The following CREBBP variants were observed in gnomAD, a reference collection of about 807,000 sequenced individuals.
CREBBP encodes CREB binding lysine acetyltransferase, also known as CREB-binding protein.
In CREBBP, 19 loss-of-function variants were observed where a neutral mutation model predicts 265.0. That is an observed-to-expected ratio of 0.07 (90% CI 0.05 to 0.11). The LOEUF is 0.11. Among genes scored for constraint, CREBBP ranks in the 10% least tolerant of loss-of-function variants. The pLI is 1.00. For missense variants in CREBBP, 2,525 were observed against 3,219.0 expected (o/e 0.78, Z 5.22); for synonymous variants, 1,457 against 1,223.7 (o/e 1.19, Z -3.98).
chr16:3,845,838 G>C (rs991886684), intron 2 of CREBBP, among the ~76,000 whole-genome samples: 2 of 144,062 alleles, frequency 1.4e-5, no homozygotes, highest in African/African-American at 5.3e-5. Flanking sequence ...AGTGAGCTGA[G>C]ATCATGCTAC....
intron 1 of CREBBP, among the ~76,000 whole-genome samples, chr16:3,858,460 T>C (rs1055953590): frequency 6.6e-6 from 1 of 152,176 alleles, no homozygotes; most frequent in Non-Finnish European, 1.5e-5. Context: ...ACAGACACAA[T>C]GCGTTAAAAT....
At position 3,752,455 on chromosome 16, in the gene CREBBP, GTT is replaced by G. The variant is rs58414601; in HGVS notation, c.3699-651_3699-650del. ...CCAGAACTGATTTTAATTTTTTCCT[GTT>G]TTTTTTTTTTTCATGTTAATCATTC... is the stretch of plus-strand genomic sequence containing the variant. On this transcript the variant is annotated intron_variant, in intron 19 of 30. Coordinates refer to ENST00000262367, the MANE Select transcript of CREBBP (RefSeq NM_004380.3). Among the ~76,000 whole-genome samples the G allele has an allele frequency of 1.8e-4, 25 of 140,168 alleles. 1 individual carries two copies. Among genetic ancestry groups the G allele is most frequent in the East Asian group, 8.0e-4 (4 of 4,978 alleles). The allele number at this position is 140,168 out of a possible 152,430, so 92.0% of individuals were successfully genotyped here.
chr16:3,822,626 G>A (rs374343828), intron 2 of CREBBP, among the ~76,000 whole-genome samples: 2 of 152,170 alleles, frequency 1.3e-5, no homozygotes, highest in African/African-American at 4.8e-5. Flanking sequence ...AGTGGCAAGA[G>A]GAGGACTGCA....
At chr16:3,849,438 T>TGG (rs1567360388) in intron 2 of CREBBP, among the ~76,000 whole-genome samples, 6 of 12,778 alleles carry the variant, frequency 4.7e-4, no homozygotes, top group Non-Finnish European at 5.0e-4. Flanking sequence ...TGTGTGTGTG[T>TGG]GTGTGTGTGT....
intron 11 of CREBBP, 117 bp from the exon 12 acceptor site, chr16:3,774,810 G>T: frequency 7.6e-7 from 1 of 1,311,186 alleles, no homozygotes; most frequent in East Asian, 2.4e-5. Context: ...ACAGAAAACT[G>T]AAAAGAAATC....
rs531708637 is a variant in CREBBP at position 3,726,300 on chromosome 16, C to G, written c.*1418G>C. 4.3e-6 allele frequency: 1 copy of G among 233,196 alleles called. No homozygotes were observed. The highest frequency in any genetic ancestry group is 1.8e-4 in the South Asian group (1 of 5,528). 14.4% of individuals were successfully genotyped at this position (233,196 alleles called of 1,614,324 possible). ...CCGCCTCTGGGGGTGGCAGCTACGA[C>G]GGACAGGGAGGATGGAGGAGTGGGC... On this transcript the variant is annotated 3_prime_UTR_variant, in exon 31 of 31. Coordinates refer to ENST00000262367, the MANE Select transcript of CREBBP (RefSeq NM_004380.3).
At position 3,831,907 on chromosome 16, in the gene CREBBP, G is replaced by C. The variant is rs141146775; in HGVS notation, c.798+18390C>G. Reference sequence around the variant, plus strand: ...AGCTACTTGGGAGGCTGACGTGGGAGAACTGTTTGAACCCAGGACGTGGAG... The same window carrying C: ...AGCTACTTGGGAGGCTGACGTGGGACAACTGTTTGAACCCAGGACGTGGAG... On this transcript the variant is annotated intron_variant, in intron 2 of 30. Transcript: ENST00000262367. 5.5e-3 allele frequency among the ~76,000 whole-genome samples: 837 copies of C among 152,084 alleles called. 10 individuals carry two copies. The highest frequency in any genetic ancestry group is 0.019 in the African/African-American group (800 of 41,442).
Position 3,736,643 on chromosome 16 carries a change from CG to C in CREBBP, c.4560+6del. Reference sequence around the variant, plus strand: ...AAAAGCCACCACCTTCCTTCAGCGCCGGGTACCTTGTAGTCATGGATGATCC... The same window carrying C: ...AAAAGCCACCACCTTCCTTCAGCGCCGGTACCTTGTAGTCATGGATGATCC... On this transcript the variant is annotated splice_donor_region_variant and intron_variant, in intron 27 of 30. Transcript: ENST00000262367. 1 of 1,614,218 alleles carries C rather than the reference CG, an allele frequency of 6.2e-7. No individual in the cohort carries two copies. The highest frequency in any genetic ancestry group is 8.5e-7 in the Non-Finnish European group (1 of 1,180,044).
intron 2 of CREBBP, among the ~76,000 whole-genome samples, chr16:3,819,040 A>G (rs551685781): frequency 6.6e-6 from 1 of 152,260 alleles, no homozygotes; most frequent in Non-Finnish European, 1.5e-5. Flanking sequence ...TCACGCCAGT[A>G]GCCGGGACAG....
At chr16:3,780,682 A>T (rs1433254867) in intron 8 of CREBBP, 50 bp downstream of exon 8, 8 of 1,603,326 alleles carry the variant, frequency 5.0e-6, no homozygotes, top group Non-Finnish European at 6.8e-6. Flanking sequence ...GCCAATGGGC[A>T]ACACAGGAAT....
chr16:3,860,087 C>T (rs1039189732), intron 1 of CREBBP, among the ~76,000 whole-genome samples: 2 of 151,986 alleles, frequency 1.3e-5, no homozygotes, highest in East Asian at 1.9e-4. Flanking sequence ...TGTCAGCTGG[C>T]GTCTGCTGCA....
intron 1 of CREBBP, among the ~76,000 whole-genome samples, chr16:3,854,396 T>C (rs145042555): frequency 1.3e-3 from 195 of 152,286 alleles, no homozygotes; most frequent in African/African-American, 4.2e-3. Context: ...GCCAAAAACA[T>C]AAACACCTGG....
At position 3,768,136 on chromosome 16, in the gene CREBBP, G is replaced by GTTTTTTTTTTTTT. The variant is rs71133655; in HGVS notation, c.3061-240_3061-228dup. Among the ~76,000 whole-genome samples the GTTTTTTTTTTTTT allele has an allele frequency of 1.6e-4, 8 of 51,608 alleles. 2 individuals are homozygous for GTTTTTTTTTTTTT. Among genetic ancestry groups the GTTTTTTTTTTTTT allele is most frequent in the Admixed American group, 7.4e-4 (2 of 2,716 alleles). 33.9% of individuals were successfully genotyped at this position (51,608 alleles called of 152,430 possible). A position where few individuals can be genotyped will look rare whatever the true frequency, so the allele number is the denominator to read the frequency against. The stretch of plus-strand genomic sequence containing the variant: ...CAATTATGGTCCTAAATTTAAAAGT[G>GTTTTTTTTTTTTT]TTTTTTTTTTTTTTTTTTTTTTTTT... On this transcript the variant is annotated intron_variant, in intron 15 of 30. Transcript: ENST00000262367.
intron 5 of CREBBP, chr16:3,784,439 C>T (rs925014015): frequency 9.2e-5 from 14 of 152,208 alleles, no homozygotes; most frequent in East Asian, 1.9e-4. Flanking sequence ...AAGTAAGTCA[C>T]GCACAATACC....
At chr16:3,835,857 G>A (rs1457184108) in intron 2 of CREBBP, among the ~76,000 whole-genome samples, 3 of 151,738 alleles carry the variant, frequency 2.0e-5, no homozygotes, top group Admixed American at 2.0e-4. Flanking sequence ...TGGGATTACA[G>A]GTGTGAGCCA....
chr16:3,876,421 A>AC (rs1314222171), intron 1 of CREBBP, among the ~76,000 whole-genome samples: 1 of 149,864 alleles, frequency 6.7e-6, no homozygotes, highest in African/African-American at 2.5e-5. Flanking sequence ...AAAAAAAAAA[A>AC]AAAAACAACC....
chr16:3,851,095 G>A (rs2054824341), intron 1 of CREBBP, 86 bp from the exon 2 acceptor site: 2 of 1,134,286 alleles, frequency 1.8e-6, no homozygotes, highest in Non-Finnish European at 1.3e-6. Flanking sequence ...TTAACCTAAT[G>A]GGGCATTCAG....
At chr16:3,870,185 A>G (rs903395221) in intron 1 of CREBBP, among the ~76,000 whole-genome samples, 2 of 152,206 alleles carry the variant, frequency 1.3e-5, no homozygotes, top group African/African-American at 4.8e-5. Flanking sequence ...ACAGAAAAAC[A>G]GTAATCTCCA....
chr16:3,756,078 T>C (rs2052579321), intron 19 of CREBBP, among the ~76,000 whole-genome samples: 1 of 152,106 alleles, frequency 6.6e-6, no homozygotes. Context: ...ACTCCAAAAT[T>C]TTCAGGCCTG....
Sources: allele counts gnomAD v4.1 joint callset (sites outside exome capture counted in the v4.1 genomes callset), GRCh38; gene constraint gnomAD v4.1.1; transcripts MANE v1.5; gene names NCBI Gene and HGNC (gene_info 2026-07-23, HGNC 2026-07-21).